The following EPHA6 variants were observed in gnomAD, a reference collection of about 807,000 sequenced individuals.
EPHA6 encodes EPH receptor A6.
Under a neutral mutation model 112.0 loss-of-function variants are expected in EPHA6, and 50 were observed. That is an observed-to-expected ratio of 0.45 (90% CI 0.36 to 0.56). The LOEUF is 0.56. Among genes scored for constraint, EPHA6 ranks in the 20% least tolerant of loss-of-function variants. The pLI, the probability that EPHA6 is intolerant of heterozygous loss-of-function variation, is 0.00. For synonymous variants in EPHA6, 529 were observed against 490.7 expected (o/e 1.08, Z -1.03); for missense variants, 1,280 against 1,417.4 (o/e 0.90, Z 1.56).
chr3:97,172,728 T>A (rs1375995751), intron 3 of EPHA6, among the ~76,000 whole-genome samples: 1 of 151,926 alleles, frequency 6.6e-6, no homozygotes, highest in East Asian at 1.9e-4. Context: ...GAAAAAGAAT[T>A]GCTCTAAAAC....
chr3:96,867,454 C>T (rs2036382846), intron 2 of EPHA6, among the ~76,000 whole-genome samples: 3 of 151,652 alleles, frequency 2.0e-5, no homozygotes, highest in Admixed American at 6.6e-5. Context: ...AACATTTTAG[C>T]TATGGTTGTA....
chr3:96,835,162 G>C (rs570451638), intron 1 of EPHA6, among the ~76,000 whole-genome samples: 2 of 152,006 alleles, frequency 1.3e-5, no homozygotes, highest in South Asian at 4.1e-4. Flanking sequence ...AACACAATCA[G>C]CATTTATTAA....
chr3:97,255,911 T>C (rs1367410164), intron 5 of EPHA6, among the ~76,000 whole-genome samples: 1 of 152,158 alleles, frequency 6.6e-6, no homozygotes, highest in Non-Finnish European at 1.5e-5. Flanking sequence ...CGTTTAGTTC[T>C]TTGTTAAACA....
intron 14 of EPHA6, chr3:97,648,557 T>A: frequency 8.1e-7 from 1 of 1,228,710 alleles, no homozygotes; most frequent in Non-Finnish European, 1.0e-6. Flanking sequence ...ACTTTAAGAA[T>A]AAATATTTTA....
At chr3:97,514,622 A>G (rs115182164) in intron 10 of EPHA6, among the ~76,000 whole-genome samples, 2,313 of 152,292 alleles carry the variant, frequency 0.015, 51 homozygotes, top group African/African-American at 0.05. Context: ...CCCAGAATTC[A>G]TATTTTGAAG....
chr3:97,108,208 A>G (rs1419539785), intron 3 of EPHA6, among the ~76,000 whole-genome samples: 1 of 152,112 alleles, frequency 6.6e-6, no homozygotes, highest in African/African-American at 2.4e-5. Context: ...TGTTAGGGGA[A>G]AGTCAGTGGA....
At chr3:97,063,466 C>G (rs534896717) in intron 3 of EPHA6, among the ~76,000 whole-genome samples, 1 of 152,158 alleles carries the variant, frequency 6.6e-6, no homozygotes, top group South Asian at 2.1e-4. Context: ...AAACCAAACA[C>G]TGCATGTTCT....
chr3:97,297,066 T>C (rs1274095246), intron 5 of EPHA6, among the ~76,000 whole-genome samples: 1 of 152,124 alleles, frequency 6.6e-6, no homozygotes, highest in African/African-American at 2.4e-5. Flanking sequence ...AGTAATCCCA[T>C]CATGTGGTCT....
At chr3:96,860,424 T>C (rs2107423938) in intron 1 of EPHA6, among the ~76,000 whole-genome samples, 1 of 152,228 alleles carries the variant, frequency 6.6e-6, no homozygotes, top group South Asian at 2.1e-4. Flanking sequence ...TAGAAATGGT[T>C]TTGGATTGAG....
rs370318737 is a variant in EPHA6, at chr3:97,720,172, T to A, written c.2785-89T>A. ...CCAGTGCTATTATGAAGTATTTAGA[T>A]CTTTCTAATAAAAAATATTTAATTG... On this transcript the variant is annotated intron_variant, in intron 14 of 17. Transcript: ENST00000389672. The A allele has an allele frequency of 2.5e-4, 296 of 1,176,138 alleles. 1 individual carries two copies. In the African/African-American group the frequency reaches 4.3e-3, roughly 17 times the overall value. 72.9% of individuals were successfully genotyped at this position (1,176,138 alleles called of 1,614,324 possible).
At chr3:97,524,159 G>A (rs2092586118) in intron 10 of EPHA6, among the ~76,000 whole-genome samples, 1 of 151,528 alleles carries the variant, frequency 6.6e-6, no homozygotes, top group South Asian at 2.1e-4. Flanking sequence ...TAGTTATTTT[G>A]TCTTTCTTCC....
intron 5 of EPHA6, among the ~76,000 whole-genome samples, chr3:97,278,923 C>T (rs1488371764): frequency 1.3e-5 from 2 of 152,170 alleles, no homozygotes; most frequent in Admixed American, 6.5e-5. Flanking sequence ...AAAACACATA[C>T]GATTGAAACA....
intron 3 of EPHA6, among the ~76,000 whole-genome samples, chr3:97,128,766 C>G (rs113594119): frequency 6.6e-6 from 1 of 152,044 alleles, no homozygotes; most frequent in South Asian, 2.1e-4. Flanking sequence ...GTGATCTGCC[C>G]ACCTTGGCCT....
intron 13 of EPHA6, among the ~76,000 whole-genome samples, chr3:97,632,310 G>C (rs2093910454): frequency 6.6e-6 from 1 of 152,032 alleles, no homozygotes; most frequent in Non-Finnish European, 1.5e-5. Flanking sequence ...CAGGCAAGGT[G>C]CTAGACCCTG....
At chr3:96,884,794 C>T (rs1167928603) in intron 2 of EPHA6, among the ~76,000 whole-genome samples, 1 of 152,160 alleles carries the variant, frequency 6.6e-6, no homozygotes, top group East Asian at 1.9e-4. Flanking sequence ...GCATCCTTAT[C>T]TTGTTCCAGT....
chr3:96,992,978 T>TAA (rs982301300), intron 3 of EPHA6, among the ~76,000 whole-genome samples: 11 of 152,178 alleles, frequency 7.2e-5, no homozygotes, highest in African/African-American at 2.4e-4. Flanking sequence ...GAGGTGTACT[T>TAA]AAAAAATCAC....
chr3:96,974,146 AAAT>A (rs1018484195), intron 2 of EPHA6, among the ~76,000 whole-genome samples: 8 of 146,830 alleles, frequency 5.4e-5, no homozygotes, highest in Non-Finnish European at 9.0e-5. Context: ...TTATAATTAT[AAAT>A]AATGTATTAA....
intron 3 of EPHA6, among the ~76,000 whole-genome samples, chr3:97,023,070 A>G (rs780876625): frequency 1.3e-5 from 2 of 152,066 alleles, no homozygotes; most frequent in African/African-American, 2.4e-5. Context: ...TGTGGATCCA[A>G]TGCCTCACTA....
chr3:97,468,140 G>GAAA (rs767637133), intron 7 of EPHA6, among the ~76,000 whole-genome samples: 2 of 124,082 alleles, frequency 1.6e-5, no homozygotes, highest in African/African-American at 3.0e-5. Context: ...ATCACTTTCT[G>GAAA]AAAAAAAAAA....
Sources: allele counts gnomAD v4.1 joint callset (sites outside exome capture counted in the v4.1 genomes callset), GRCh38; gene constraint gnomAD v4.1.1; transcripts MANE v1.5; gene names NCBI Gene and HGNC (gene_info 2026-07-23, HGNC 2026-07-21).